IQCH: variants seen among roughly 807,000 people sequenced by gnomAD.
IQCH encodes IQ domain-containing protein H.
A neutral mutation model predicts 117.0 loss-of-function variants in IQCH; 98 were observed. The observed-to-expected ratio is 0.84, with a 90% CI of 0.71 to 0.99. The LOEUF (loss-of-function observed/expected upper bound fraction) is 0.99, where lower values mean the gene tolerates loss of function less well. Among genes scored for constraint, IQCH ranks in the 50% least tolerant of loss-of-function variants. The pLI, the probability that IQCH is intolerant of heterozygous loss-of-function variation, is 0.00. For synonymous variants in IQCH, 412 were observed against 448.2 expected (o/e 0.92, Z 1.02); for missense variants, 1,102 against 1,243.8 (o/e 0.89, Z 1.72).
intron 16 of IQCH, among the ~76,000 whole-genome samples, chr15:67,434,610 G>A (rs759615813): frequency 1.3e-5 from 2 of 152,066 alleles, no homozygotes; most frequent in African/African-American, 2.4e-5. Flanking sequence ...CTTTGGCTAC[G>A]CACTCAGAAG....
intron 3 of IQCH, among the ~76,000 whole-genome samples, chr15:67,271,428 T>TA: frequency 6.6e-6 from 1 of 152,366 alleles, no homozygotes; most frequent in East Asian, 1.9e-4. Context: ...GCTGGCCTCA[T>TA]ACAATGAGTT....
chr15:67,486,024 G>A (rs2083465560), intron 18 of IQCH, among the ~76,000 whole-genome samples: 1 of 144,132 alleles, frequency 6.9e-6, no homozygotes, highest in African/African-American at 2.6e-5. Flanking sequence ...CAATAAGACT[G>A]CTAGCTAAGT....
intron 4 of IQCH, among the ~76,000 whole-genome samples, chr15:67,303,459 A>G (rs969176329): frequency 6.6e-6 from 1 of 152,196 alleles, no homozygotes; most frequent in Admixed American, 6.5e-5. Context: ...TAAAATCACA[A>G]AAGACTAGAA....
At chr15:67,299,582 C>T (rs1203970452) in intron 4 of IQCH, among the ~76,000 whole-genome samples, 5 of 151,842 alleles carry the variant, frequency 3.3e-5, no homozygotes, top group Non-Finnish European at 7.4e-5. Context: ...ACTAGGTATC[C>T]ACAAAAATTA....
chr15:67,324,101 G>A (rs1488043705), intron 4 of IQCH, among the ~76,000 whole-genome samples: 2 of 151,358 alleles, frequency 1.3e-5, no homozygotes, highest in African/African-American at 4.9e-5. Flanking sequence ...CCACCACCAG[G>A]CCTGGCTAAT....
rs887032361 is a variant in IQCH at position 67,494,835 on chromosome 15, T to C, written c.2970+469T>C. ...GGAGAAGCAGAAAATATAGCATGTATGTGGGCCATCTACCCCACCCGTTTC... is the reference window on the plus strand; with the variant it reads ...GGAGAAGCAGAAAATATAGCATGTACGTGGGCCATCTACCCCACCCGTTTC... On this transcript the variant is annotated intron_variant, in intron 20 of 20. Transcript: ENST00000335894. The surrounding 1 kb of genome is among the most constrained non-coding windows in gnomAD (Gnocchi z 5.5). Among the ~76,000 whole-genome samples, 1 of 152,212 alleles carries C rather than the reference T, an allele frequency of 6.6e-6. No homozygotes were observed. Among genetic ancestry groups the C allele is most frequent in the African/African-American group, 2.4e-5 (1 of 41,450 alleles).
intron 6 of IQCH, among the ~76,000 whole-genome samples, chr15:67,355,263 T>C (rs1446599972): frequency 1.3e-5 from 2 of 152,134 alleles, no homozygotes; most frequent in Non-Finnish European, 2.9e-5. Context: ...TTGGGCATAT[T>C]GTCACTCTGA....
At position 67,400,108 on chromosome 15, in the gene IQCH, T is replaced by C. The variant is rs76782783; in HGVS notation, c.1906-6T>C. On this transcript the variant is annotated splice_polypyrimidine_tract_variant and splice_region_variant and intron_variant, in intron 13 of 20. Coordinates refer to ENST00000335894, the MANE Select transcript of IQCH (RefSeq NM_001031715.3). ...ATTAAATGCAGCTGTGTCTTTGGCC[T>C]CACAGATGATAGAGCAGCTGAGTCA... 1.4e-5 allele frequency: 23 copies of C among 1,612,166 alleles called. No homozygotes were observed. Among genetic ancestry groups the C allele is most frequent in the Admixed American group, 1.3e-4 (8 of 59,940 alleles).
At position 67,417,086 on chromosome 15, in the gene IQCH, G is replaced by T. The variant is rs2081596225; in HGVS notation, c.2218+35G>T. On this transcript the variant is annotated intron_variant, in intron 15 of 20. Coordinates refer to ENST00000335894, the MANE Select transcript of IQCH (RefSeq NM_001031715.3). The surrounding 1 kb of genome is among the most constrained non-coding windows in gnomAD (Gnocchi z 4.3). The stretch of plus-strand genomic sequence containing the variant: ...ACTGTAAAGTTTCTATTGAGGATTA[G>T]TCTACACAACCTTGGATTCTAGTTT... 6.4e-7 allele frequency: 1 copy of T among 1,566,234 alleles called. No individual in the cohort carries two copies. The highest frequency in any genetic ancestry group is 8.7e-7 in the Non-Finnish European group (1 of 1,155,986).
chr15:67,460,379 G>A (rs914461307), intron 16 of IQCH, among the ~76,000 whole-genome samples: 15 of 152,174 alleles, frequency 9.9e-5, no homozygotes, highest in Non-Finnish European at 2.2e-4. Context: ...TTGCAAAGCT[G>A]AAGTCATGTT....
rs59668077 is a variant in IQCH at position 67,470,105 on chromosome 15, G to A, written c.2676+4808G>A. ...CTCGTCTGCTCTGAGCTCAGCCTCA[G>A]CTTCTGAGTCTCACACAGAAGCACT... On this transcript the variant is annotated intron_variant, in intron 17 of 20. Coordinates refer to ENST00000335894, the MANE Select transcript of IQCH (RefSeq NM_001031715.3). Among the ~76,000 whole-genome samples the A allele has an allele frequency of 8.9e-3, 1,351 of 152,376 alleles. 29 individuals are homozygous for A. Among genetic ancestry groups the A allele is most frequent in the African/African-American group, 0.031 (1,292 of 41,594 alleles).
At position 67,372,128 on chromosome 15, in the gene IQCH, A is replaced by C. The variant is rs1156793130; in HGVS notation, c.771A>C (p.Thr257=). The C allele has an allele frequency of 1.2e-6, 2 of 1,603,910 alleles. No individual in the cohort carries two copies. Among genetic ancestry groups the C allele is most frequent in the Non-Finnish European group, 1.7e-6 (2 of 1,176,352 alleles). ...TTCCACAGGCCATGAAAGTCAAAAC[A>C]CCTTTGAGAGCCCTGAAATCACTGT... ...HHDRKAMKVK[T]PLRALKSLWD... is the part of the protein sequence containing the mutation. Residue 257 remains threonine (T), a synonymous_variant, in exon 9 of 21, where the codon ACA becomes ACC. Transcript: ENST00000335894.
At position 67,412,119 on chromosome 15, in the gene IQCH, C is replaced by T. The variant is rs191616304; in HGVS notation, c.2098-4812C>T. Among the ~76,000 whole-genome samples the T allele has an allele frequency of 5.1e-3, 775 of 152,276 alleles. 3 individuals carry two copies. Among genetic ancestry groups the T allele is most frequent in the Non-Finnish European group, 9.1e-3 (618 of 68,030 alleles). On this transcript the variant is annotated intron_variant, in intron 14 of 20. Coordinates refer to ENST00000335894, the MANE Select transcript of IQCH (RefSeq NM_001031715.3). ...GAGCTATCAGCCCCACAAAGCTAGCCGCTAATTGCATTCCCAGAGCCAGTG... is the reference window on the plus strand; with the variant it reads ...GAGCTATCAGCCCCACAAAGCTAGCTGCTAATTGCATTCCCAGAGCCAGTG...
intron 13 of IQCH, among the ~76,000 whole-genome samples, chr15:67,399,345 G>A (rs558816880): frequency 1.3e-5 from 2 of 152,224 alleles, no homozygotes; most frequent in Admixed American, 6.5e-5. Flanking sequence ...ATGAGCCAAG[G>A]CCTGTCTCCT....
In IQCH at chr15:67,385,154, C is replaced by T; in HGVS notation, c.1456+135C>T. ...GGAAAAAGCTCAGATGTTTAATCTA[C>T]TTACAGGGCAATTAAATGTTTTATT... On this transcript the variant is annotated intron_variant, in intron 11 of 20. Transcript: ENST00000335894. This position sits in a 1 kb window ranked among gnomAD's most constrained non-coding sequence, Gnocchi z 4.6. 2.0e-6 allele frequency: 1 copy of T among 491,202 alleles called. No homozygotes were observed. The highest frequency in any genetic ancestry group is 3.3e-5 in the South Asian group (1 of 30,710). 30.4% of individuals were successfully genotyped at this position (491,202 alleles called of 1,614,324 possible). A position where few individuals can be genotyped will look rare whatever the true frequency, so the allele number is the denominator to read the frequency against.
In IQCH at chr15:67,456,270, G is replaced by A. The variant is rs1282166553; in HGVS notation, c.2506-8857G>A. Among the ~76,000 whole-genome samples the A allele has an allele frequency of 7.2e-5, 11 of 152,114 alleles. No individual in the cohort carries two copies. The highest frequency in any genetic ancestry group is 2.9e-5 in the Non-Finnish European group (2 of 68,022). ...GATATAGTTTCTGCATATCATGAAC[G>A]AATTTCCAAAGTCACAGAGAAACTT... On this transcript the variant is annotated intron_variant, in intron 16 of 20. Coordinates refer to ENST00000335894, the MANE Select transcript of IQCH (RefSeq NM_001031715.3). This position sits in a 1 kb window ranked among gnomAD's most constrained non-coding sequence, Gnocchi z 5.1.
In IQCH at chr15:67,359,649, G is replaced by A. The variant is rs1455832341; in HGVS notation, c.715-198G>A. Among the ~76,000 whole-genome samples the A allele has an allele frequency of 1.3e-5, 2 of 152,160 alleles. No individual in the cohort carries two copies. Among genetic ancestry groups the A allele is most frequent in the African/African-American group, 4.8e-5 (2 of 41,432 alleles). ...CAAACTCTTTCTTCAAAGCAAACGG[G>A]GCTTGGCAAACAGAGCATCGTTGTC... is the stretch of plus-strand genomic sequence containing the variant. On this transcript the variant is annotated intron_variant, in intron 7 of 20. Transcript: ENST00000335894. The surrounding 1 kb of genome is among the most constrained non-coding windows in gnomAD (Gnocchi z 4.5).
At chr15:67,263,691 C>T (rs1387153827) in intron 3 of IQCH, among the ~76,000 whole-genome samples, 2 of 1,842 alleles carry the variant, frequency 1.1e-3, no homozygotes, top group Middle Eastern at 0.5. Context: ...AATCAGTTTT[C>T]ACACTTTTAG....
chr15:67,486,289 C>T (rs1457464215), intron 18 of IQCH, among the ~76,000 whole-genome samples: 4 of 151,888 alleles, frequency 2.6e-5, no homozygotes, highest in African/African-American at 9.7e-5. Context: ...CCGCCCGCCT[C>T]GGCCTCCCAA....
Sources: allele counts gnomAD v4.1 joint callset (sites outside exome capture counted in the v4.1 genomes callset), GRCh38; gene constraint gnomAD v4.1.1; non-coding constraint Gnocchi (gnomAD v3.1); transcripts MANE v1.5; gene names NCBI Gene and HGNC (gene_info 2026-07-23, HGNC 2026-07-21).